Variants in ZNF250 observed in about 807,000 individuals in gnomAD.
ZNF250 encodes the protein zinc finger protein (clone 647).
ZNF250 carries 13 observed loss-of-function variants against 37.1 expected under a neutral mutation model. The observed-to-expected ratio is 0.35, with a 90% CI of 0.23 to 0.56. The LOEUF is 0.56. Among genes scored for constraint, ZNF250 ranks in the 20% least tolerant of loss-of-function variants. ZNF250 has a pLI of 0.87. For missense variants in ZNF250, 474 were observed against 697.9 expected, an observed-to-expected ratio of 0.68 and a Z score of 3.61; for synonymous variants, 251 against 265.6, an observed-to-expected ratio of 0.94 and a Z score of 0.54.
At chr8:144,892,332 A>T (rs570042680) in intron 1 of ZNF250, among the ~76,000 whole-genome samples, 1 of 152,346 alleles carries the variant, frequency 6.6e-6, no homozygotes, top group African/African-American at 2.4e-5. Flanking sequence ...AACTGGAAAG[A>T]ACAGAGGGTG....
chr8:144,890,283 T>G lies in ZNF250; in HGVS notation c.42+25A>C. 1 of 1,549,846 alleles carries G rather than the reference T, an allele frequency of 6.5e-7. No homozygotes were observed. On this transcript the variant is annotated intron_variant, in intron 2 of 5. Transcript: ENST00000417550. This position sits in a 1 kb window ranked among gnomAD's most constrained non-coding sequence, Gnocchi z 5.1. ...ACCACAGGGCTCGGGCTGGGGGCAC[T>G]GCATAAGCACTGGGGACAGCTTACC...
At position 144,886,861 on chromosome 8, in the gene ZNF250, C is replaced by T; in HGVS notation, c.325G>A (p.Asp109Asn). The T allele has an allele frequency of 6.2e-7, 1 of 1,613,526 alleles. No individual in the cohort carries two copies. The highest frequency in any genetic ancestry group is 1.1e-5 in the South Asian group (1 of 91,076). ...YDHTTACTQQDSLSCPWECET... is the reference protein window; with the variant it reads ...YDHTTACTQQNSLSCPWECET... Reference sequence around the variant, plus strand: ...TTACCCCATGGACAAGATAAACTGTCTTGTTGTGTACAGGCTGTAGTGTGG... The same window carrying T: ...TTACCCCATGGACAAGATAAACTGTTTTGTTGTGTACAGGCTGTAGTGTGG... Residue 109 changes from aspartate to asparagine, a missense_variant, in exon 5 of 6, where the codon GAC becomes AAC. Physicochemically the swap from Asp to Asn is conservative, Grantham distance 23 (BLOSUM62 1). Coordinates refer to ENST00000417550, the MANE Select transcript of ZNF250 (RefSeq NM_001109689.4).
At position 144,881,958 on chromosome 8, in the gene ZNF250, C is replaced by G. The variant is rs372805837; in HGVS notation, c.1225G>C (p.Glu409Gln). The change falls in exon 6 of 6, where the codon GAG becomes CAG. Residue 409 changes from glutamate to glutamine, a missense_variant. Around this residue, in one of 2 missense-constraint regions of ZNF250, gnomAD observed 282 missense variants for 470.4 expected, o/e 0.60. Transcript: ENST00000417550. ...FSHRSTLMNH[E>Q]RIHTEEKPYA... ...GGCTTTTCCTCGGTGTGGATCCGCT[C>G]GTGATTCATCAGTGTGGAGCGGTGG... 85 of 1,612,274 alleles carry G rather than the reference C, an allele frequency of 5.3e-5. No homozygotes were observed. The highest frequency in any genetic ancestry group is 5.8e-5 in the Non-Finnish European group (69 of 1,179,578).
Position 144,880,269 on chromosome 8 carries a change from A to T in ZNF250, c.*1246T>A. ...AGAGATAGTAAAAAAGAGCTATCTG[A>T]ATTTGAGAAATGTATGTTTTAAATA... On this transcript the variant is annotated 3_prime_UTR_variant, in exon 6 of 6. Coordinates refer to ENST00000417550, the MANE Select transcript of ZNF250 (RefSeq NM_001109689.4). 3.2e-6 allele frequency: 1 copy of T among 309,838 alleles called. No homozygotes were observed. Among genetic ancestry groups the T allele is most frequent in the South Asian group, 2.7e-5 (1 of 37,060 alleles). 19.2% of individuals were successfully genotyped at this position (309,838 alleles called of 1,614,324 possible).
In ZNF250 at chr8:144,890,062, G is replaced by C. The variant is rs1230071628; in HGVS notation, c.43-3C>G. On this transcript the variant is annotated splice_polypyrimidine_tract_variant and splice_region_variant and intron_variant, in intron 2 of 5. Coordinates refer to ENST00000417550, the MANE Select transcript of ZNF250 (RefSeq NM_001109689.4). This position sits in a 1 kb window ranked among gnomAD's most constrained non-coding sequence, Gnocchi z 5.1. ...ACATCCTCGAAGGTCAGCTTGGCCT[G>C]GAACGACAGGGGCTGCTGCAGGTAA... The C allele has an allele frequency of 1.2e-6, 2 of 1,611,786 alleles. No individual in the cohort carries two copies. The highest frequency in any genetic ancestry group is 8.5e-7 in the Non-Finnish European group (1 of 1,178,908).
chr8:144,887,404 A>AT (rs1440940978), intron 4 of ZNF250, among the ~76,000 whole-genome samples: 1 of 152,138 alleles, frequency 6.6e-6, no homozygotes, highest in Non-Finnish European at 1.5e-5. Context: ...AGACAAAGGC[A>AT]TATCTACTCC....
intron 1 of ZNF250, among the ~76,000 whole-genome samples, chr8:144,900,270 CAG>C (rs1352236992): frequency 6.6e-6 from 1 of 152,182 alleles, no homozygotes; most frequent in Non-Finnish European, 1.5e-5. Context: ...GACCACCGGA[CAG>C]AGAAACCTAT....
chr8:144,895,871 T>C (rs985886589), intron 1 of ZNF250, among the ~76,000 whole-genome samples: 2 of 151,592 alleles, frequency 1.3e-5, no homozygotes, highest in African/African-American at 4.9e-5. Flanking sequence ...TAGTCAGGCA[T>C]GGTGGCAGGC....
Position 144,890,550 on chromosome 8 carries a change from G to T in ZNF250, c.-54-147C>A. On this transcript the variant is annotated intron_variant, in intron 1 of 5. Transcript: ENST00000417550. The surrounding 1 kb of genome is among the most constrained non-coding windows in gnomAD (Gnocchi z 5.1). Reference sequence around the variant, plus strand: ...AGGAGCTGCTACTGTTGCAGCCTTGGTCTGCCTTGCCTCCCCCATGAACTC... The same window carrying T: ...AGGAGCTGCTACTGTTGCAGCCTTGTTCTGCCTTGCCTCCCCCATGAACTC... The T allele has an allele frequency of 2.1e-6, 1 of 473,000 alleles. No individual in the cohort carries two copies. Among genetic ancestry groups the T allele is most frequent in the African/African-American group, 1.9e-5 (1 of 52,298 alleles). The allele number at this position is 473,000 out of a possible 1,614,324, so 29.3% of individuals were successfully genotyped here. A position where few individuals can be genotyped will look rare whatever the true frequency, so the allele number is the denominator to read the frequency against.
chr8:144,892,641 A>T (rs201091072), intron 1 of ZNF250, among the ~76,000 whole-genome samples: 3 of 149,784 alleles, frequency 2.0e-5, no homozygotes, highest in Non-Finnish European at 3.0e-5. Context: ...CGCAACCTCC[A>T]CCTCCTGGGT....
rs391368 is a variant in ZNF250 at position 144,901,392 on chromosome 8, C to G, written c.-55+7G>C. Reference sequence around the variant, plus strand: ...CTGGCCGGCGACGACACGCGCCCCCCACTCACCGTCAGAGCCGCAGCCTCA... The same window carrying G: ...CTGGCCGGCGACGACACGCGCCCCCGACTCACCGTCAGAGCCGCAGCCTCA... On this transcript the variant is annotated splice_region_variant and intron_variant, in intron 1 of 5. Coordinates refer to ENST00000417550, the MANE Select transcript of ZNF250 (RefSeq NM_001109689.4). This position sits in a 1 kb window ranked among gnomAD's most constrained non-coding sequence, Gnocchi z 5.4. The G allele has an allele frequency of 5.2e-5, 8 of 152,712 alleles. No homozygotes were observed. The highest frequency in any genetic ancestry group is 1.9e-4 in the East Asian group (1 of 5,180). The allele number at this position is 152,712 out of a possible 1,614,324, so 9.5% of individuals were successfully genotyped here. A position where few individuals can be genotyped will look rare whatever the true frequency, so the allele number is the denominator to read the frequency against.
In ZNF250 at chr8:144,876,963, A is replaced by G. The variant is rs138325734; in HGVS notation, c.*4552T>C. 1.6e-3 allele frequency: 240 copies of G among 152,320 alleles called. No homozygotes were observed. Among genetic ancestry groups the G allele is most frequent in the African/African-American group, 5.4e-3 (225 of 41,576 alleles). The allele number at this position is 152,320 out of a possible 1,614,324, so 9.4% of individuals were successfully genotyped here. A position where few individuals can be genotyped will look rare whatever the true frequency, so the allele number is the denominator to read the frequency against. On this transcript the variant is annotated 3_prime_UTR_variant, in exon 6 of 6. Coordinates refer to ENST00000417550, the MANE Select transcript of ZNF250 (RefSeq NM_001109689.4). ...TTCACTGCAAATACTTGTTCCAGTC[A>G]TTACTTTTTTATTGGAAAGCGTCAG...
rs926892572 is a variant in ZNF250 at position 144,891,992 on chromosome 8, ACT to A, written c.-54-1591_-54-1590del. On this transcript the variant is annotated intron_variant, in intron 1 of 5. Transcript: ENST00000417550. The surrounding 1 kb of genome is among the most constrained non-coding windows in gnomAD (Gnocchi z 4.0). Reference sequence around the variant, plus strand: ...GTGAGCTGAGATCATCTCAGCTGAGACTCTGTCTCAAAACAAAACAAAAAAAA... The same window carrying A: ...GTGAGCTGAGATCATCTCAGCTGAGACTGTCTCAAAACAAAACAAAAAAAA... Among the ~76,000 whole-genome samples, 9 of 152,154 alleles carry A rather than the reference ACT, an allele frequency of 5.9e-5. No individual in the cohort carries two copies. The highest frequency in any genetic ancestry group is 1.0e-4 in the Non-Finnish European group (7 of 68,018).
intron 4 of ZNF250, among the ~76,000 whole-genome samples, chr8:144,888,418 G>T (rs561984033): frequency 6.6e-6 from 1 of 151,926 alleles, no homozygotes; most frequent in Non-Finnish European, 1.5e-5. Context: ...CCAACATGGT[G>T]AAATCCTGTC....
intron 1 of ZNF250, among the ~76,000 whole-genome samples, chr8:144,896,121 A>G (rs1832706454): frequency 6.6e-6 from 1 of 151,858 alleles, no homozygotes; most frequent in South Asian, 2.1e-4. Flanking sequence ...GTACTTTGGG[A>G]GGCCAAGGTG....
rs1385126836 is a variant in ZNF250, at chr8:144,878,262, T to C, written c.*3253A>G. The C allele has an allele frequency of 6.6e-6, 1 of 152,222 alleles. No homozygotes were observed. The highest frequency in any genetic ancestry group is 1.9e-4 in the East Asian group (1 of 5,200). 9.4% of individuals were successfully genotyped at this position (152,222 alleles called of 1,614,324 possible). On this transcript the variant is annotated 3_prime_UTR_variant, in exon 6 of 6. Transcript: ENST00000417550. ...AGTAACTTCTCAGTGATCATAGCTT[T>C]TCCCTAAAGTAACCTCTTTCTAAAG... is the stretch of plus-strand genomic sequence containing the variant.
chr8:144,889,969 C>T lies in ZNF250; in HGVS notation c.133G>A (p.Val45Met). Residue 45 changes from valine to methionine, a missense_variant, in exon 3 of 6, where the codon GTG (valine) becomes ATG (methionine). Physicochemically the swap from Val to Met is conservative, Grantham distance 21 (BLOSUM62 1). Coordinates refer to ENST00000417550, the MANE Select transcript of ZNF250 (RefSeq NM_001109689.4). ...ACATTCCCATAGGTTTCCATCATCA[C>T]ATTTCTGTAGAGACCCCTCTGAGCA... The part of the protein sequence containing the change: ...CPAQRGLYRN[V>M]MMETYGNVVS... 6.2e-7 allele frequency: 1 copy of T among 1,611,546 alleles called. No individual in the cohort carries two copies. Among genetic ancestry groups the T allele is most frequent in the Non-Finnish European group, 8.5e-7 (1 of 1,178,180 alleles).
rs1307839137 is a variant in ZNF250 at position 144,880,884 on chromosome 8, GTTTT to G, written c.*627_*630del. The stretch of plus-strand genomic sequence containing the variant: ...CTATCTCCACACACACATACAAAAA[GTTTT>G]TTAAATTTATGTAATTTCTCACTAA... On this transcript the variant is annotated 3_prime_UTR_variant, in exon 6 of 6. Transcript: ENST00000417550. The G allele has an allele frequency of 4.4e-5, 7 of 159,862 alleles. No homozygotes were observed. The highest frequency in any genetic ancestry group is 1.7e-4 in the African/African-American group (7 of 41,544). The allele number at this position is 159,862 out of a possible 1,614,324, so 9.9% of individuals were successfully genotyped here.
chr8:144,901,525 C>G (rs925042341), upstream of ZNF250: 2 of 152,494 alleles, frequency 1.3e-5, no homozygotes, highest in Non-Finnish European at 2.9e-5. This position sits in a 1 kb window ranked among gnomAD's most constrained non-coding sequence, Gnocchi z 5.4. Context: ...CCCGCCCCCA[C>G]AGCCGAGTTC....
Sources: gnomAD v4.1 joint callset for allele counts (sites outside exome capture counted in the v4.1 genomes callset) on GRCh38, gnomAD v4.1.1 for gene constraint, gnomAD v4.1.1 regional missense constraint, Gnocchi (gnomAD v3.1) non-coding constraint, MANE v1.5 for transcripts, NCBI Gene and HGNC (gene_info 2026-07-23, HGNC 2026-07-21) for gene names.